AR: variants seen among roughly 807,000 people sequenced by gnomAD.
AR encodes the protein dihydrotestosterone receptor.
In AR, 8 loss-of-function variants were observed where a neutral mutation model predicts 53.9. The ratio of observed to expected loss-of-function variants is 0.15; its 90% confidence interval spans 0.09 to 0.27. The LOEUF is 0.27. Among genes scored for constraint, AR ranks in the 10% least tolerant of loss-of-function variants. AR has a pLI of 1.00. For synonymous variants in AR, 359 were observed against 316.4 expected (o/e 1.13, Z -1.43); for missense variants, 639 against 742.5 (o/e 0.86, Z 1.62).
intron 2 of AR, among the ~76,000 whole-genome samples, chrX:67,645,535 G>A (rs1926015874): frequency 9.0e-6 from 1 of 111,554 alleles, no homozygotes; most frequent in South Asian, 3.8e-4. Context: ...ACACCTTAGA[G>A]TCTGTTAAGT....
chrX:67,708,951 A>G (rs747489269), intron 3 of AR, among the ~76,000 whole-genome samples: 1 of 112,151 alleles, frequency 8.9e-6, no homozygotes, highest in Admixed American at 9.4e-5. Context: ...GGCTCAGAAC[A>G]GCGAATATTG....
rs752055010 is a variant in AR, at chrX:67,545,306, T to TTGC, written c.170_172dup (p.Leu57dup). On this transcript the variant is annotated inframe_insertion, in exon 1 of 8. Coordinates refer to ENST00000374690, the MANE Select transcript of AR (RefSeq NM_000044.6). The stretch of plus-strand genomic sequence containing the variant: ...GAGCGCAGCACCTCCCGGCGCCAGT[T>TTGC]TGCTGCTGCTGCAGCAGCAGCAGCA... 2.4e-5 allele frequency: 28 copies of TTGC among 1,143,668 alleles called. No homozygotes were observed. Among genetic ancestry groups the TTGC allele is most frequent in the Middle Eastern group, 2.9e-4 (1 of 3,397 alleles). The allele number at this position is 1,143,668 out of a possible 1,213,427, so 94.3% of individuals were successfully genotyped here.
chrX:67,668,622 G>T (rs1668927989), intron 2 of AR, among the ~76,000 whole-genome samples: 1 of 110,794 alleles, frequency 9.0e-6, no homozygotes, highest in Admixed American at 9.7e-5. Flanking sequence ...GAAATACTTT[G>T]AATAGGATTG....
intron 1 of AR, among the ~76,000 whole-genome samples, chrX:67,599,550 C>G (rs1923245841): frequency 8.9e-6 from 1 of 111,838 alleles, no homozygotes; most frequent in Admixed American, 9.5e-5. Flanking sequence ...TTCTTAATCT[C>G]TGAACCTGCA....
At chrX:67,722,770 C>G (rs2076141285) in intron 6 of AR, 57 bp from the exon 7 acceptor site, 1 of 1,188,912 alleles carries the variant, frequency 8.4e-7, no homozygotes, top group Non-Finnish European at 1.1e-6. Context: ...GGTGCTTTGT[C>G]TAATGCTCCT....
chrX:67,656,269 G>A (rs866209836), intron 2 of AR, among the ~76,000 whole-genome samples: 3 of 111,682 alleles, frequency 2.7e-5, no homozygotes, highest in South Asian at 7.5e-4. Context: ...TGAACTAGCC[G>A]TGTCCTCAAG....
intron 2 of AR, among the ~76,000 whole-genome samples, chrX:67,663,309 G>T (rs894493900): frequency 2.7e-5 from 3 of 112,071 alleles, no homozygotes; most frequent in Non-Finnish European, 5.6e-5. Flanking sequence ...AGCTCCTGCA[G>T]TGCAGGCCTG....
chrX:67,717,052 A>G (rs981376884), intron 4 of AR, among the ~76,000 whole-genome samples: 4 of 111,962 alleles, frequency 3.6e-5, no homozygotes, highest in African/African-American at 1.3e-4. Context: ...GTTAAATGAG[A>G]TAATATAAGT....
At chrX:67,640,427 C>T (rs886870835) in intron 1 of AR, among the ~76,000 whole-genome samples, 5 of 111,372 alleles carry the variant, frequency 4.5e-5, no homozygotes, top group Non-Finnish European at 9.4e-5. Context: ...TGGTAGAATT[C>T]ATCTGTGAAT....
intron 3 of AR, among the ~76,000 whole-genome samples, chrX:67,690,304 A>G (rs977722280): frequency 2.0e-4 from 22 of 112,054 alleles, no homozygotes. Context: ...TCTGTGAATT[A>G]TCTAGTTGAG....
chrX:67,547,673 C>T (rs904009927), intron 1 of AR, among the ~76,000 whole-genome samples: 1 of 112,079 alleles, frequency 8.9e-6, no homozygotes, highest in African/African-American at 3.2e-5. Flanking sequence ...TTTTGTAAAG[C>T]ATTTCCTGCT....
At position 67,725,178 on chromosome X, in the gene AR, C is replaced by G. The variant is rs1317045870; in HGVS notation, c.*1337C>G. 5.7e-6 allele frequency: 1 copy of G among 174,167 alleles called. No homozygotes were observed. Among genetic ancestry groups the G allele is most frequent in the Non-Finnish European group, 1.1e-5 (1 of 91,373 alleles). 14.4% of individuals were successfully genotyped at this position (174,167 alleles called of 1,213,427 possible). ...CCTGTTTGCTTCTTTTGGGCATGTT[C>G]ACAGATTCTCTGTTAAGAGCCCCCA... On this transcript the variant is annotated 3_prime_UTR_variant, in exon 8 of 8. Transcript: ENST00000374690.
At chrX:67,719,976 T>G (rs187847702) in intron 5 of AR, among the ~76,000 whole-genome samples, 90 of 112,282 alleles carry the variant, frequency 8.0e-4, no homozygotes, top group African/African-American at 2.7e-3. Flanking sequence ...AGAGATCACA[T>G]GTTGTGAGGA....
intron 1 of AR, among the ~76,000 whole-genome samples, chrX:67,562,356 ATG>A (rs756124629): frequency 0.15 from 14,397 of 94,234 alleles, 1,056 homozygotes; most frequent in African/African-American, 0.29. Flanking sequence ...TATGGTGTAT[ATG>A]TGTGTGTGTG....
rs756615467 is a variant in AR at position 67,584,854 on chromosome X, G to A, written c.1616+38092G>A. ...TCTTTGGTTTGGGGTTAAACCGTGA[G>A]TAACCTTATTTTCTAGGTCTCAGCC... is the stretch of plus-strand genomic sequence containing the variant. On this transcript the variant is annotated intron_variant, in intron 1 of 7. Coordinates refer to ENST00000374690, the MANE Select transcript of AR (RefSeq NM_000044.6). Among the ~76,000 whole-genome samples the A allele has an allele frequency of 1.3e-4, 15 of 112,216 alleles. No individual in the cohort carries two copies. In the South Asian group the frequency reaches 5.6e-3, roughly 42 times the overall value.
chrX:67,697,445 G>A (rs2076025542), intron 3 of AR, among the ~76,000 whole-genome samples: 1 of 111,399 alleles, frequency 9.0e-6, no homozygotes, highest in Admixed American at 9.5e-5. Flanking sequence ...CAACAACCTT[G>A]TGAGGTAGAT....
chrX:67,643,606 G>T (rs1287110480), intron 2 of AR, among the ~76,000 whole-genome samples, 199 bp downstream of exon 2: 2 of 111,821 alleles, frequency 1.8e-5, no homozygotes, highest in Non-Finnish European at 3.8e-5. Context: ...GTTTGTACAG[G>T]CAATTTAGGC....
rs1308421948 is a variant in AR, at chrX:67,545,759, G to GGCA, written c.622_624dup (p.Ser208dup). The GGCA allele has an allele frequency of 6.6e-6, 8 of 1,210,096 alleles. No homozygotes were observed. The highest frequency in any genetic ancestry group is 4.4e-5 in the Admixed American group (2 of 45,874). ...ACAGCAGCAGGAAGCAGTATCCGAA[G>GGCA]GCAGCAGCAGCGGGAGAGCGAGGGA... On this transcript the variant is annotated inframe_insertion, in exon 1 of 8. Transcript: ENST00000374690.
At chrX:67,651,842 C>A (rs925713156) in intron 2 of AR, among the ~76,000 whole-genome samples, 4 of 111,710 alleles carry the variant, frequency 3.6e-5, no homozygotes, top group Non-Finnish European at 7.5e-5. Context: ...AACTTATATT[C>A]TTCAGGGGAA....
Sources: allele counts gnomAD v4.1 joint callset (sites outside exome capture counted in the v4.1 genomes callset), GRCh38; gene constraint gnomAD v4.1.1; transcripts MANE v1.5; gene names NCBI Gene and HGNC (gene_info 2026-07-23, HGNC 2026-07-21).